KDM2B: variants seen among roughly 807,000 people sequenced by gnomAD.
KDM2B encodes the protein lysine-specific demethylase 2B.
Under a neutral mutation model 150.0 loss-of-function variants are expected in KDM2B, and 26 were observed. The observed-to-expected ratio is 0.17, with a 90% CI of 0.13 to 0.24. The LOEUF is 0.24. Among genes scored for constraint, KDM2B ranks in the 10% least tolerant of loss-of-function variants. KDM2B has a pLI of 1.00. For synonymous variants in KDM2B, 734 were observed against 729.5 expected (o/e 1.01, Z -0.10); for missense variants, 1,265 against 1,816.9 (o/e 0.70, Z 5.52).
At chr12:121,574,498 C>G (rs1891357274) in intron 4 of KDM2B, 49 bp downstream of exon 4, 2 of 1,590,482 alleles carry the variant, frequency 1.3e-6, no homozygotes, top group African/African-American at 1.3e-5. Context: ...GCCTCTTTCC[C>G]CTTCCCTACT....
chr12:121,554,407 CTT>C (rs113252090), intron 4 of KDM2B, among the ~76,000 whole-genome samples: 20 of 145,450 alleles, frequency 1.4e-4, no homozygotes, highest in African/African-American at 2.8e-4. Flanking sequence ...TTGTAACATA[CTT>C]TTTTTTTTTT....
In KDM2B at chr12:121,452,470, C is replaced by T. The variant is rs933092596; in HGVS notation, c.1959+650G>A. ...CCCTCCAGCCGAGCCTGCTTTTCCACGGGGACTGGGAGATGACTCCTCCAC... is the reference window on the plus strand; with the variant it reads ...CCCTCCAGCCGAGCCTGCTTTTCCATGGGGACTGGGAGATGACTCCTCCAC... On this transcript the variant is annotated intron_variant, in intron 13 of 22. Coordinates refer to ENST00000377071, the MANE Select transcript of KDM2B (RefSeq NM_032590.5). The surrounding 1 kb of genome is among the most constrained non-coding windows in gnomAD (Gnocchi z 4.4). Among the ~76,000 whole-genome samples, 2 of 152,342 alleles carry T rather than the reference C, an allele frequency of 1.3e-5. No homozygotes were observed. The highest frequency in any genetic ancestry group is 2.4e-5 in the African/African-American group (1 of 41,588).
chr12:121,423,388 G>A, the KDM2B span: 1 of 1,602,450 alleles, frequency 6.2e-7, no homozygotes. The surrounding 1 kb of genome is among the most constrained non-coding windows in gnomAD (Gnocchi z 4.3). Context: ...CCTTTCAGAT[G>A]GCGAGCGGCT....
At chr12:121,551,799 C>T (rs1431923273) in intron 4 of KDM2B, among the ~76,000 whole-genome samples, 6 of 151,938 alleles carry the variant, frequency 3.9e-5, no homozygotes, top group Admixed American at 1.3e-4. Flanking sequence ...GTGATCCGCC[C>T]GCCTCAGCCT....
intron 8 of KDM2B, among the ~76,000 whole-genome samples, chr12:121,524,488 G>T (rs1402707057): frequency 6.6e-6 from 1 of 152,178 alleles, no homozygotes; most frequent in Non-Finnish European, 1.5e-5. Flanking sequence ...GACACTCGAG[G>T]GATTCTAGAA....
At chr12:121,578,219 G>A (rs1555317141) in intron 2 of KDM2B, among the ~76,000 whole-genome samples, 1 of 152,182 alleles carries the variant, frequency 6.6e-6, no homozygotes, top group Non-Finnish European at 1.5e-5. Flanking sequence ...ACAGCTTCAG[G>A]GCTCATGGGG....
intron 12 of KDM2B, among the ~76,000 whole-genome samples, chr12:121,472,519 T>C (rs1555296053): frequency 6.6e-6 from 1 of 152,248 alleles, no homozygotes. Context: ...ATTCATCATA[T>C]AAATAGACTC....
chr12:121,455,459 C>T (rs912282057), intron 12 of KDM2B, among the ~76,000 whole-genome samples: 1 of 152,186 alleles, frequency 6.6e-6, no homozygotes, highest in African/African-American at 2.4e-5. Flanking sequence ...CGCCTATAAG[C>T]CCAGCATGCT....
chr12:121,445,240 G>A (rs1566270969), intron 14 of KDM2B, 35 bp downstream of exon 14: 1 of 1,603,988 alleles, frequency 6.2e-7, no homozygotes, highest in Non-Finnish European at 8.5e-7. Flanking sequence ...CTGCCCCAGA[G>A]CGTCAGCACC....
chr12:121,426,157 C>CA (rs1213266270), downstream of KDM2B, among the ~76,000 whole-genome samples: 1 of 152,118 alleles, frequency 6.6e-6, no homozygotes, highest in African/African-American at 2.4e-5. Context: ...AACTTAAATT[C>CA]AAAAATTCAG....
At chr12:121,434,019 A>G (rs1873515082) in intron 22 of KDM2B, among the ~76,000 whole-genome samples, 1 of 151,862 alleles carries the variant, frequency 6.6e-6, no homozygotes, top group African/African-American at 2.4e-5. Context: ...TCTCTATAAA[A>G]AAACAAAAAA....
At chr12:121,481,778 T>TGTTG (rs1487429276) in intron 12 of KDM2B, among the ~76,000 whole-genome samples, 1 of 151,672 alleles carries the variant, frequency 6.6e-6, no homozygotes, top group African/African-American at 2.4e-5. Context: ...TTTGTTTGTT[T>TGTTG]GTTTGTTTGT....
At chr12:121,434,310 C>T (rs953165797) in intron 22 of KDM2B, among the ~76,000 whole-genome samples, 8 of 151,254 alleles carry the variant, frequency 5.3e-5, no homozygotes, top group East Asian at 3.9e-4. Context: ...CCGAGGTGGG[C>T]GGATCACCTG....
intron 14 of KDM2B, chr12:121,444,963 C>T: frequency 2.4e-6 from 1 of 418,096 alleles, no homozygotes; most frequent in Middle Eastern, 6.8e-4. Context: ...CTGGAGCCAC[C>T]TGGAGGCGCT....
At chr12:121,427,606 G>T (rs1337300162), downstream of KDM2B, among the ~76,000 whole-genome samples, 1 of 152,152 alleles carries the variant, frequency 6.6e-6, no homozygotes, top group Non-Finnish European at 1.5e-5. Context: ...AATCTTACTG[G>T]ATTGTTCAGT....
At chr12:121,542,445 A>G (rs1014956668) in intron 6 of KDM2B, among the ~76,000 whole-genome samples, 1 of 152,250 alleles carries the variant, frequency 6.6e-6, no homozygotes, top group Admixed American at 6.5e-5. Flanking sequence ...ACACATGGCC[A>G]AGGCCTAACA....
chr12:121,529,956 C>T (rs1384414903), intron 8 of KDM2B, among the ~76,000 whole-genome samples: 1 of 147,794 alleles, frequency 6.8e-6, no homozygotes, highest in Non-Finnish European at 1.5e-5. Context: ...AGAGCAGGCG[C>T]AGTGGCTCAC....
At chr12:121,559,479 C>A (rs1383255508) in intron 4 of KDM2B, among the ~76,000 whole-genome samples, 2 of 152,146 alleles carry the variant, frequency 1.3e-5, no homozygotes, top group Non-Finnish European at 2.9e-5. Flanking sequence ...TGGGGTCCAG[C>A]CCCCACGGGG....
Position 121,513,475 on chromosome 12 carries a change from G to T in KDM2B, c.1048-73C>A. ...AGGGGGAAGGAGGGAGAGAAGTGCG[G>T]GGCAGGCTCCCTGCAGGTGAGGGTC... is the stretch of plus-strand genomic sequence containing the variant. On this transcript the variant is annotated intron_variant, in intron 9 of 22. Transcript: ENST00000377071. The surrounding 1 kb of genome is among the most constrained non-coding windows in gnomAD (Gnocchi z 5.0). The T allele has an allele frequency of 6.5e-7, 1 of 1,548,318 alleles. No individual in the cohort carries two copies. The highest frequency in any genetic ancestry group is 1.7e-5 in the Admixed American group (1 of 58,898).
Sources: gnomAD v4.1 joint callset for allele counts (sites outside exome capture counted in the v4.1 genomes callset) on GRCh38, gnomAD v4.1.1 for gene constraint, Gnocchi (gnomAD v3.1) non-coding constraint, MANE v1.5 for transcripts, NCBI Gene and HGNC (gene_info 2026-07-23, HGNC 2026-07-21) for gene names.